Variants in UNC5B observed in about 807,000 individuals in gnomAD.
UNC5B encodes the protein netrin receptor UNC5B.
UNC5B carries 56 observed loss-of-function variants against 103.7 expected under a neutral mutation model. The observed-to-expected ratio is 0.54, with a 90% CI of 0.44 to 0.67. The LOEUF (loss-of-function observed/expected upper bound fraction) is 0.67, where lower values mean the gene tolerates loss of function less well. UNC5B is among the 30% of genes least tolerant of loss of function. The pLI is 0.00. For synonymous variants in UNC5B, 577 were observed against 542.0 expected, an observed-to-expected ratio of 1.06 and a Z score of -0.90; for missense variants, 1,194 against 1,284.5, an observed-to-expected ratio of 0.93 and a Z score of 1.08.
In UNC5B at chr10:71,284,829, C is replaced by A; in HGVS notation, c.414C>A (p.Thr138=). The part of the protein sequence containing the change: ...CQCVAWSSAG[T]TKSRRAYVRI... Reference sequence around the variant, plus strand: ...GCGTGGCCTGGAGCTCCGCGGGCACCACCAAGAGTCGCCGAGCCTACGTCC... The same window carrying A: ...GCGTGGCCTGGAGCTCCGCGGGCACAACCAAGAGTCGCCGAGCCTACGTCC... The change falls in exon 3 of 17, where the codon ACC becomes ACA. Residue 138 remains threonine, a synonymous_variant. Coordinates refer to ENST00000335350, the MANE Select transcript of UNC5B (RefSeq NM_170744.5). 1 of 1,612,622 alleles carries A rather than the reference C, an allele frequency of 6.2e-7. No homozygotes were observed. Among genetic ancestry groups the A allele is most frequent in the Non-Finnish European group, 8.5e-7 (1 of 1,179,394 alleles).
chr10:71,242,813 C>T (rs1448914041), intron 1 of UNC5B, among the ~76,000 whole-genome samples: 2 of 152,146 alleles, frequency 1.3e-5, no homozygotes, highest in Admixed American at 6.5e-5. Flanking sequence ...GTGAGGGAGA[C>T]GGGGCCACGG....
intron 1 of UNC5B, among the ~76,000 whole-genome samples, chr10:71,253,080 C>T (rs1033439090): frequency 2.0e-5 from 3 of 152,214 alleles, no homozygotes; most frequent in African/African-American, 4.8e-5. Context: ...TTCCTTGCAG[C>T]TCAGACCTCT....
chr10:71,231,583 G>A (rs7893627), intron 1 of UNC5B, among the ~76,000 whole-genome samples: 28,801 of 152,098 alleles, frequency 0.19, 3,740 homozygotes, highest in African/African-American at 0.38. Flanking sequence ...CCCAGCACAC[G>A]GTGGGCCCTT....
intron 1 of UNC5B, among the ~76,000 whole-genome samples, chr10:71,225,670 A>T (rs1843547316): frequency 6.6e-6 from 1 of 152,178 alleles, no homozygotes; most frequent in South Asian, 2.1e-4. Flanking sequence ...GGGAGTAGAG[A>T]GTTAGAGTTT....
At position 71,293,711 on chromosome 10, in the gene UNC5B, C is replaced by A. The variant is rs774266894; in HGVS notation, c.1953C>A (p.Thr651=). 2.0e-5 allele frequency: 32 copies of A among 1,590,582 alleles called. No homozygotes were observed. Among genetic ancestry groups the A allele is most frequent in the Non-Finnish European group, 2.7e-5 (32 of 1,168,266 alleles). Residue 651 remains threonine (T), a synonymous_variant, in exon 13 of 17, where the codon ACC becomes ACA. Coordinates refer to ENST00000335350, the MANE Select transcript of UNC5B (RefSeq NM_170744.5). ...AHQGHWEEVV[T]LDEETLNTPC... Reference sequence around the variant, plus strand: ...GCTGTCCCCTACAGGAGGTGGTGACCCTGGATGAGGAGACCCTGAACACAC... The same window carrying A: ...GCTGTCCCCTACAGGAGGTGGTGACACTGGATGAGGAGACCCTGAACACAC...
Position 71,288,586 on chromosome 10 carries a change from A to T in UNC5B, c.920A>T (p.Glu307Val), listed in dbSNP as rs1045162187. 1 of 1,613,756 alleles carries T rather than the reference A, an allele frequency of 6.2e-7. No homozygotes were observed. The highest frequency in any genetic ancestry group is 8.5e-7 in the Non-Finnish European group (1 of 1,179,940). ...CTTACAGTCGATGGGGCGTGGACGGAGTGGAGCAAGTGGTCAGCCTGCAGC... is the reference window on the plus strand; with the variant it reads ...CTTACAGTCGATGGGGCGTGGACGGTGTGGAGCAAGTGGTCAGCCTGCAGC... ...TICPVDGAWT[E>V]WSKWSACSTE... Residue 307 changes from glutamate to valine, a missense_variant, in exon 7 of 17, where the codon GAG becomes GTG. By Grantham distance (121) the Glu-to-Val change is moderately radical. Transcript: ENST00000335350.
intron 1 of UNC5B, among the ~76,000 whole-genome samples, chr10:71,224,488 T>TAAA (rs1045430501): frequency 1.2e-4 from 18 of 151,340 alleles, no homozygotes; most frequent in African/African-American, 4.4e-4. Context: ...TTTTTGGAAA[T>TAAA]AAAAAACTGG....
intron 1 of UNC5B, among the ~76,000 whole-genome samples, chr10:71,227,669 CATATATACAT>C (rs1325285716): frequency 1.8e-4 from 25 of 138,510 alleles, no homozygotes; most frequent in African/African-American, 7.7e-4. Context: ...TATATATACA[CATATATACAT>C]ATATATACAC....
rs377256852 is a variant in UNC5B at position 71,213,176 on chromosome 10, G to C, written c.79+112G>C. 1.1e-6 allele frequency: 1 copy of C among 883,104 alleles called. No individual in the cohort carries two copies. The highest frequency in any genetic ancestry group is 4.3e-5 in the Admixed American group (1 of 23,254). The allele number at this position is 883,104 out of a possible 1,614,324, so 54.7% of individuals were successfully genotyped here. On this transcript the variant is annotated intron_variant, in intron 1 of 16. Coordinates refer to ENST00000335350, the MANE Select transcript of UNC5B (RefSeq NM_170744.5). This position sits in a 1 kb window ranked among gnomAD's most constrained non-coding sequence, Gnocchi z 4.1. ...TCGATGCGCGCAGGAAAAGCGGCAAGGGCGCCCAAGTTAGAATGTAGATTT... is the reference window on the plus strand; with the variant it reads ...TCGATGCGCGCAGGAAAAGCGGCAACGGCGCCCAAGTTAGAATGTAGATTT...
chr10:71,262,838 G>A (rs1418520318), intron 1 of UNC5B, among the ~76,000 whole-genome samples: 1 of 152,208 alleles, frequency 6.6e-6, no homozygotes, highest in Non-Finnish European at 1.5e-5. Flanking sequence ...GCCCACGCAG[G>A]TTAAATGTGT....
chr10:71,214,762 G>A (rs964022072), intron 1 of UNC5B, among the ~76,000 whole-genome samples: 13 of 152,136 alleles, frequency 8.5e-5, no homozygotes, highest in African/African-American at 3.1e-4. Flanking sequence ...TGGGTGGGTG[G>A]GCTTGGCCAA....
intron 2 of UNC5B, among the ~76,000 whole-genome samples, chr10:71,283,762 C>T (rs767895022): frequency 3.0e-4 from 46 of 152,274 alleles, no homozygotes; most frequent in South Asian, 1.4e-3. Context: ...CGAGTGACCC[C>T]CTTGTGTAGG....
At position 71,284,846 on chromosome 10, in the gene UNC5B, C is replaced by A; in HGVS notation, c.431C>A (p.Ala144Asp). Residue 144 changes from alanine to aspartate, a missense_variant, in exon 3 of 17, where the codon GCC (alanine) becomes GAC (aspartate). By Grantham distance (126) the Ala-to-Asp change is moderately radical. Coordinates refer to ENST00000335350, the MANE Select transcript of UNC5B (RefSeq NM_170744.5). ...SSAGTTKSRRAYVRIAYLRKN... is the reference protein window; with the variant it reads ...SSAGTTKSRRDYVRIAYLRKN... ...GCGGGCACCACCAAGAGTCGCCGAGCCTACGTCCGCATCGCCTGTACGCCA... is the reference window on the plus strand; with the variant it reads ...GCGGGCACCACCAAGAGTCGCCGAGACTACGTCCGCATCGCCTGTACGCCA... The A allele has an allele frequency of 6.2e-7, 1 of 1,609,200 alleles. No individual in the cohort carries two copies. Among genetic ancestry groups the A allele is most frequent in the South Asian group, 1.1e-5 (1 of 90,580 alleles).
chr10:71,215,411 C>T (rs770936331), intron 1 of UNC5B, among the ~76,000 whole-genome samples: 1 of 152,174 alleles, frequency 6.6e-6, no homozygotes, highest in South Asian at 2.1e-4. Context: ...GGGATCTTTA[C>T]TGGGGGTGTC....
At chr10:71,287,539 TG>T in intron 5 of UNC5B, 58 bp from the exon 6 acceptor site, 2 of 1,525,818 alleles carry the variant, frequency 1.3e-6, no homozygotes, top group Admixed American at 2.1e-5. Flanking sequence ...GGGACGGGTT[TG>T]GGGGAGGGCA....
intron 1 of UNC5B, among the ~76,000 whole-genome samples, chr10:71,218,851 G>T (rs534330755): frequency 6.6e-6 from 1 of 152,208 alleles, no homozygotes; most frequent in African/African-American, 2.4e-5. Context: ...AGCTTGAGTG[G>T]GTGGGATCCC....
At chr10:71,266,535 G>C (rs1844528072) in intron 1 of UNC5B, among the ~76,000 whole-genome samples, 1 of 152,170 alleles carries the variant, frequency 6.6e-6, no homozygotes, top group Admixed American at 6.5e-5. Flanking sequence ...GTCCCTCGGG[G>C]CTGGAGACGG....
chr10:71,257,623 G>C (rs986369938), intron 1 of UNC5B, among the ~76,000 whole-genome samples: 1 of 152,216 alleles, frequency 6.6e-6, no homozygotes, highest in Non-Finnish European at 1.5e-5. Context: ...AGCCTGGACT[G>C]AATTCTCACC....
intron 1 of UNC5B, among the ~76,000 whole-genome samples, chr10:71,231,509 T>C (rs937246915): frequency 1.3e-5 from 2 of 152,276 alleles, no homozygotes; most frequent in South Asian, 4.1e-4. Flanking sequence ...ATGTGTTGAC[T>C]CCCCAGCCTG....
Sources: allele counts gnomAD v4.1 joint callset (sites outside exome capture counted in the v4.1 genomes callset), GRCh38; gene constraint gnomAD v4.1.1; non-coding constraint Gnocchi (gnomAD v3.1); transcripts MANE v1.5; gene names NCBI Gene and HGNC (gene_info 2026-07-23, HGNC 2026-07-21).